Variants in RHAG observed in about 807,000 individuals in gnomAD.
RHAG encodes the protein ammonium transporter Rh type A.
In RHAG, 25 loss-of-function variants were observed where a neutral mutation model predicts 42.4. The observed-to-expected ratio is 0.59, with a 90% CI of 0.43 to 0.82. The LOEUF (loss-of-function observed/expected upper bound fraction) is 0.82. Among genes scored for constraint, RHAG ranks in the 40% least tolerant of loss-of-function variants. The probability of loss-of-function intolerance (pLI) is 0.00; values close to 1 mark genes in which losing one functional copy is unlikely to be tolerated. For missense variants in RHAG, 483 were observed against 504.6 expected (o/e 0.96, Z 0.41); for synonymous variants, 182 against 177.7 (o/e 1.02, Z -0.19).
Position 49,614,695 on chromosome 6 carries a change from G to C in RHAG, c.799C>G (p.Leu267Val). ...GCTAAGGCGGCACTTACCATGTTGA[G>C]CTTGCCTCGGTGCTCCACTAGGCTG... ...FSSLVEHRGK[L>V]NMVHIQNATL... is the part of the protein sequence containing the mutation. The change falls in exon 5 of 10, where the codon CTC becomes GTC. Residue 267 changes from leucine (L) to valine (V), a missense_variant. By Grantham distance (32) the Leu-to-Val change is conservative. Transcript: ENST00000371175. 1.2e-6 allele frequency: 2 copies of C among 1,613,702 alleles called. No individual in the cohort carries two copies. Among genetic ancestry groups the C allele is most frequent in the East Asian group, 2.2e-5 (1 of 44,858 alleles).
At chr6:49,609,230 T>C (rs946221628) in intron 7 of RHAG, among the ~76,000 whole-genome samples, 8 of 152,068 alleles carry the variant, frequency 5.3e-5, no homozygotes, top group African/African-American at 1.9e-4. Context: ...CCCCTTCCCC[T>C]CTTCTGATAT....
rs1274595270 is a variant in RHAG, at chr6:49,615,737, G to A, written c.527C>T (p.Ala176Val). The change falls in exon 4 of 10, where the codon GCC (alanine) becomes GTC (valine). Residue 176 changes from alanine to valine, a missense_variant. Coordinates refer to ENST00000371175, the MANE Select transcript of RHAG (RefSeq NM_000324.3). Reference sequence around the variant, plus strand: ...AGCCAAGCCAAAGTAGGCCCCAAAGGCATGGATCGTCATTGATGCTCCAAT... The same window carrying A: ...AGCCAAGCCAAAGTAGGCCCCAAAGACATGGATCGTCATTGATGCTCCAAT... The part of the protein sequence containing the change: ...SDIGASMTIH[A>V]FGAYFGLAVA... 3 of 1,613,978 alleles carry A rather than the reference G, an allele frequency of 1.9e-6. No individual in the cohort carries two copies. The highest frequency in any genetic ancestry group is 2.2e-5 in the East Asian group (1 of 44,880).
At chr6:49,626,365 G>GC (rs973043809) in intron 1 of RHAG, among the ~76,000 whole-genome samples, 9 of 152,114 alleles carry the variant, frequency 5.9e-5, no homozygotes, top group African/African-American at 2.2e-4. Flanking sequence ...GTGGCTACAG[G>GC]CCCCATGCAA....
chr6:49,633,930 A>G (rs907664775), intron 1 of RHAG, among the ~76,000 whole-genome samples: 1 of 151,902 alleles, frequency 6.6e-6, no homozygotes, highest in African/African-American at 2.4e-5. Context: ...TGGAATGTAA[A>G]CTTCCTGAGG....
intron 1 of RHAG, among the ~76,000 whole-genome samples, chr6:49,629,070 A>T (rs2127357710): frequency 6.6e-6 from 1 of 152,224 alleles, no homozygotes; most frequent in Middle Eastern, 3.4e-3. Context: ...CTAGATACAA[A>T]GGTTCTCCAC....
At chr6:49,614,940 ATTTATTTG>A in intron 4 of RHAG, 87 bp from the exon 5 acceptor site, 1 of 1,224,596 alleles carries the variant, frequency 8.2e-7, no homozygotes, top group Non-Finnish European at 1.2e-6. Context: ...TTATTTACTT[ATTTATTTG>A]TTTATTTATT....
At chr6:49,625,908 G>A (rs1414237919) in intron 1 of RHAG, among the ~76,000 whole-genome samples, 3 of 152,150 alleles carry the variant, frequency 2.0e-5, no homozygotes, top group African/African-American at 7.2e-5. Flanking sequence ...AGGCAAGAGA[G>A]CTTGTGTAGG....
chr6:49,613,107 T>C (rs1307425494), intron 5 of RHAG, among the ~76,000 whole-genome samples: 5 of 151,336 alleles, frequency 3.3e-5, no homozygotes, highest in Non-Finnish European at 5.9e-5. Flanking sequence ...TCTTGCTCTG[T>C]CTCCCAGGCT....
At chr6:49,616,724 C>T (rs886680507) in intron 3 of RHAG, among the ~76,000 whole-genome samples, 12 of 152,126 alleles carry the variant, frequency 7.9e-5, no homozygotes, top group Non-Finnish European at 1.6e-4. Context: ...GTTGTTGTTC[C>T]TTTGTTTACT....
At position 49,619,365 on chromosome 6, in the gene RHAG, G is replaced by A; in HGVS notation, c.158-3C>T. On this transcript the variant is annotated splice_polypyrimidine_tract_variant and splice_region_variant and intron_variant, in intron 1 of 9. Coordinates refer to ENST00000371175, the MANE Select transcript of RHAG (RefSeq NM_000324.3). ...CATAACATGTACATCTTGGAACACT[G>A]GAAAAGAGGAAAGGAAAAAATATCT... 1 of 1,612,478 alleles carries A rather than the reference G, an allele frequency of 6.2e-7. No homozygotes were observed. Among genetic ancestry groups the A allele is most frequent in the South Asian group, 1.1e-5 (1 of 90,860 alleles).
In RHAG at chr6:49,619,198, A is replaced by C; in HGVS notation, c.322T>G (p.Phe108Val). ...GCTCACTTTTTGATTCCAATGTTAAATTTCTGTCCCTGGCTTTGCAGGATT... is the reference window on the plus strand; with the variant it reads ...GCTCACTTTTTGATTCCAATGTTAACTTTCTGTCCCTGGCTTTGCAGGATT... The part of the protein sequence containing the change: ...QGILQSQGQK[F>V]NIGIKNMINA... The change falls in exon 2 of 10, where the codon TTT (phenylalanine) becomes GTT (valine). Residue 108 changes from phenylalanine to valine, a missense_variant. Physicochemically the swap from Phe to Val is conservative, Grantham distance 50. Coordinates refer to ENST00000371175, the MANE Select transcript of RHAG (RefSeq NM_000324.3). 1 of 1,613,972 alleles carries C rather than the reference A, an allele frequency of 6.2e-7. No individual in the cohort carries two copies. The highest frequency in any genetic ancestry group is 8.5e-7 in the Non-Finnish European group (1 of 1,179,934).
intron 1 of RHAG, among the ~76,000 whole-genome samples, chr6:49,629,781 G>A (rs1004683142): frequency 5.3e-5 from 8 of 152,206 alleles, no homozygotes; most frequent in Non-Finnish European, 7.3e-5. Flanking sequence ...CTCCGCAGCC[G>A]CTGGCCCTGG....
At chr6:49,620,859 C>T (rs538032899) in intron 1 of RHAG, among the ~76,000 whole-genome samples, 149 of 152,212 alleles carry the variant, frequency 9.8e-4, no homozygotes, top group Non-Finnish European at 1.9e-3. Flanking sequence ...TAAACATCAC[C>T]ATTGTGGCCA....
intron 9 of RHAG, chr6:49,606,618 A>G: frequency 2.4e-6 from 1 of 424,790 alleles, no homozygotes; most frequent in Non-Finnish European, 4.1e-6. Flanking sequence ...TAAATTTATT[A>G]TTTATAATTT....
intron 7 of RHAG, 31 bp from the exon 8 acceptor site, chr6:49,607,251 CT>C: frequency 6.3e-7 from 1 of 1,581,230 alleles, no homozygotes; most frequent in Non-Finnish European, 8.7e-7. Flanking sequence ...GAATCAGTGT[CT>C]TTCCTGGATC....
At chr6:49,624,569 A>G (rs1269751010) in intron 1 of RHAG, among the ~76,000 whole-genome samples, 2 of 152,208 alleles carry the variant, frequency 1.3e-5, no homozygotes, top group Non-Finnish European at 2.9e-5. Context: ...GCTAGCTAGT[A>G]GTTTATATTC....
intron 7 of RHAG, among the ~76,000 whole-genome samples, chr6:49,608,594 C>T (rs1762514764): frequency 6.6e-6 from 1 of 152,136 alleles, no homozygotes; most frequent in Non-Finnish European, 1.5e-5. Context: ...CCAGGCTGGT[C>T]TCAAACTCCT....
intron 3 of RHAG, 122 bp downstream of exon 3, chr6:49,617,946 T>A: frequency 1.2e-6 from 1 of 815,040 alleles, no homozygotes; most frequent in Non-Finnish European, 2.0e-6. Flanking sequence ...TGGTTATTGT[T>A]ACTATTTGCT....
chr6:49,614,908 G>T, intron 4 of RHAG, 55 bp from the exon 5 acceptor site: 1 of 1,485,688 alleles, frequency 6.7e-7, no homozygotes, highest in African/African-American at 1.4e-5. Flanking sequence ...ACAGTCCAGA[G>T]GATGCAGTTT....
Sources: allele counts gnomAD v4.1 joint callset (sites outside exome capture counted in the v4.1 genomes callset), GRCh38; gene constraint gnomAD v4.1.1; transcripts MANE v1.5; gene names NCBI Gene and HGNC (gene_info 2026-07-23, HGNC 2026-07-21).